Variants in PCDH7 observed in about 807,000 individuals in gnomAD.
PCDH7 encodes protocadherin 7.
A neutral mutation model predicts 58.9 loss-of-function variants in PCDH7; 17 were observed. The ratio of observed to expected loss-of-function variants is 0.29; its 90% CI spans 0.20 to 0.43. The LOEUF is 0.43. Among genes scored for constraint, PCDH7 ranks in the 20% least tolerant of loss-of-function variants. PCDH7 has a pLI of 1.00. For missense variants in PCDH7, 1,274 were observed against 1,441.0 expected, an observed-to-expected ratio of 0.88 and a Z score of 1.88; for synonymous variants, 664 against 616.4, an observed-to-expected ratio of 1.08 and a Z score of -1.14.
intron 3 of PCDH7, among the ~76,000 whole-genome samples, chr4:30,952,802 C>G (rs1032355521): frequency 2.0e-5 from 3 of 152,014 alleles, no homozygotes; most frequent in Non-Finnish European, 4.4e-5. Context: ...CGGGCTTATG[C>G]ATTAATTTGG....
chr4:30,876,083 A>G (rs1450730916), intron 1 of PCDH7, among the ~76,000 whole-genome samples: 1 of 152,118 alleles, frequency 6.6e-6, no homozygotes, highest in East Asian at 1.9e-4. Context: ...GTAAAGCATT[A>G]GTCATATGAA....
chr4:30,993,035 G>A (rs1055928746), intron 3 of PCDH7, among the ~76,000 whole-genome samples: 1 of 152,046 alleles, frequency 6.6e-6, no homozygotes, highest in Admixed American at 6.6e-5. Context: ...CTCACCTCAG[G>A]TGATCTGCCC....
chr4:31,146,587 G>C (rs963939720), downstream of PCDH7: 1 of 152,004 alleles, frequency 6.6e-6, no homozygotes, highest in Admixed American at 6.6e-5. Flanking sequence ...TCTGCTACTT[G>C]GATGTTGATA....
chr4:31,086,637 A>T (rs1444783806), intron 3 of PCDH7, among the ~76,000 whole-genome samples: 1 of 152,198 alleles, frequency 6.6e-6, no homozygotes, highest in African/African-American at 2.4e-5. Context: ...GGGGATATTT[A>T]TATGTTTATG....
intron 3 of PCDH7, among the ~76,000 whole-genome samples, chr4:31,119,050 C>G (rs1041153095): frequency 2.0e-5 from 3 of 151,598 alleles, no homozygotes; most frequent in African/African-American, 7.3e-5. Flanking sequence ...TGCAGTTTTT[C>G]TTTCTTGCTA....
chr4:31,048,553 A>G (rs1307650497), intron 3 of PCDH7, among the ~76,000 whole-genome samples: 1 of 152,066 alleles, frequency 6.6e-6, no homozygotes, highest in Non-Finnish European at 1.5e-5. Context: ...CTTTCTATTC[A>G]TTTATGCAAG....
intron 1 of PCDH7, among the ~76,000 whole-genome samples, chr4:30,764,452 C>T (rs943329384): frequency 2.0e-5 from 3 of 152,150 alleles, no homozygotes; most frequent in Admixed American, 6.5e-5. Flanking sequence ...AACTGTTTAT[C>T]ATTTATCATT....
intron 1 of PCDH7, among the ~76,000 whole-genome samples, chr4:30,795,364 A>G (rs1001898764): frequency 1.3e-5 from 2 of 151,970 alleles, no homozygotes; most frequent in African/African-American, 2.4e-5. Flanking sequence ...TACGTATGAC[A>G]TACACAATAT....
chr4:31,026,511 TG>T (rs1394635893), intron 3 of PCDH7, among the ~76,000 whole-genome samples: 1 of 152,224 alleles, frequency 6.6e-6, no homozygotes, highest in African/African-American at 2.4e-5. Flanking sequence ...TAAATTTGTA[TG>T]CAGATATTGT....
chr4:30,824,820 T>C (rs1253651821), intron 1 of PCDH7, among the ~76,000 whole-genome samples: 2 of 152,130 alleles, frequency 1.3e-5, no homozygotes, highest in African/African-American at 4.8e-5. Context: ...ATAGAAGCTA[T>C]CAACAGCTTA....
intron 1 of PCDH7, among the ~76,000 whole-genome samples, chr4:30,750,338 C>CAG (rs1368865043): frequency 6.6e-6 from 1 of 152,132 alleles, no homozygotes; most frequent in Non-Finnish European, 1.5e-5. Context: ...TGCTATAAGT[C>CAG]AGAGGTCAAG....
At chr4:31,102,045 T>A (rs1714959037) in intron 3 of PCDH7, among the ~76,000 whole-genome samples, 2 of 152,244 alleles carry the variant, frequency 1.3e-5, no homozygotes, top group Admixed American at 1.3e-4. Flanking sequence ...TTTCATATCT[T>A]CCAGTAACAG....
At chr4:30,830,994 G>A (rs1437696910) in intron 1 of PCDH7, among the ~76,000 whole-genome samples, 1 of 152,020 alleles carries the variant, frequency 6.6e-6, no homozygotes, top group Non-Finnish European at 1.5e-5. Context: ...ACTTTTAATA[G>A]AGTAAAAGCA....
intron 3 of PCDH7, among the ~76,000 whole-genome samples, chr4:31,111,982 T>A (rs895393846): frequency 6.6e-6 from 1 of 152,232 alleles, no homozygotes; most frequent in Admixed American, 6.5e-5. Context: ...AAAAATTGAA[T>A]AAATTAATGA....
At chr4:30,856,489 G>C (rs982644166) in intron 1 of PCDH7, among the ~76,000 whole-genome samples, 1 of 151,950 alleles carries the variant, frequency 6.6e-6, no homozygotes, top group Non-Finnish European at 1.5e-5. Flanking sequence ...TTTTACAAAA[G>C]CTTAGAAGTC....
intron 2 of PCDH7, among the ~76,000 whole-genome samples, chr4:30,927,201 T>C (rs1743978919): frequency 6.6e-6 from 1 of 152,188 alleles, no homozygotes; most frequent in Non-Finnish European, 1.5e-5. Flanking sequence ...CCTTATTTAG[T>C]TAAGGTGTTA....
intron 1 of PCDH7, among the ~76,000 whole-genome samples, chr4:30,746,029 A>G (rs901695018): frequency 2.6e-5 from 4 of 151,932 alleles, no homozygotes; most frequent in African/African-American, 9.7e-5. Flanking sequence ...GGGTTTCAGC[A>G]TGTTGGCCAG....
chr4:31,046,499 G>T (rs1220577348), intron 3 of PCDH7, among the ~76,000 whole-genome samples: 1 of 151,848 alleles, frequency 6.6e-6, no homozygotes, highest in Non-Finnish European at 1.5e-5. Flanking sequence ...AATAATCAGG[G>T]TTACAGTTTG....
chr4:30,749,630 A>G (rs1577649113), intron 1 of PCDH7, among the ~76,000 whole-genome samples: 1 of 152,304 alleles, frequency 6.6e-6, no homozygotes, highest in African/African-American at 2.4e-5. Context: ...TCTAAGGGGA[A>G]GAAAAAGAGA....
Sources: allele counts gnomAD v4.1 joint callset (sites outside exome capture counted in the v4.1 genomes callset), GRCh38; gene constraint gnomAD v4.1.1; transcripts MANE v1.5; gene names NCBI Gene and HGNC (gene_info 2026-07-23, HGNC 2026-07-21).